The following ARL17A variants were observed in gnomAD, a reference collection of about 807,000 sequenced individuals.
ARL17A encodes the protein ARF like GTPase 17A, also known as ADP-ribosylation factor-like 17-like.
the ARL17A span, among the ~76,000 whole-genome samples, chr17:46,500,870 C>T: frequency 6.6e-6 from 1 of 150,914 alleles, no homozygotes; most frequent in Non-Finnish European, 1.5e-5. Context: ...ACAGCACAAC[C>T]TGGGAATTGT....
intron 3 of ARL17A, among the ~76,000 whole-genome samples, chr17:46,569,037 G>A (rs1254056280): frequency 7.4e-6 from 1 of 135,718 alleles, no homozygotes; most frequent in East Asian, 2.1e-4. Context: ...CCGCCTCCTG[G>A]GTTCAAGAGA....
At chr17:46,502,966 A>C in the ARL17A span, among the ~76,000 whole-genome samples, 1 of 150,708 alleles carries the variant, frequency 6.6e-6, no homozygotes, top group African/African-American at 2.5e-5. Flanking sequence ...TAATCCCAGC[A>C]CTTTGGGAGG....
In ARL17A at chr17:46,558,478, C is replaced by G. The variant is rs1453807656; in HGVS notation, c.260-848G>C. ...CTCGGTTGACTGCAACCTCTGCCTTCCAGGTTCAAGTGATTCTCCTGCCTC... is the reference window on the plus strand; with the variant it reads ...CTCGGTTGACTGCAACCTCTGCCTTGCAGGTTCAAGTGATTCTCCTGCCTC... On this transcript the variant is annotated intron_variant, in intron 3 of 3. Coordinates refer to ENST00000336125, the MANE Select transcript of ARL17A (RefSeq NM_001113738.2). 1.7e-5 allele frequency among the ~76,000 whole-genome samples: 2 copies of G among 121,028 alleles called. 1 individual carries two copies. Among genetic ancestry groups the G allele is most frequent in the African/African-American group, 6.7e-5 (2 of 29,816 alleles). 79.4% of individuals were successfully genotyped at this position (121,028 alleles called of 152,430 possible).
intron 4 of ARL17A, among the ~76,000 whole-genome samples, chr17:46,534,206 A>C (rs1405722221): frequency 7.1e-6 from 1 of 140,136 alleles, no homozygotes; most frequent in Non-Finnish European, 1.6e-5. Flanking sequence ...TGTTTTTTTT[A>C]ATTTTTTTTT....
At chr17:46,532,107 C>G (rs938551516) in intron 4 of ARL17A, among the ~76,000 whole-genome samples, 2 of 150,246 alleles carry the variant, frequency 1.3e-5, no homozygotes, top group African/African-American at 5.0e-5. Context: ...GCACGTTTAT[C>G]AGGCTGCTCT....
In ARL17A at chr17:46,555,548, C is replaced by CAGA; in HGVS notation, c.*1807_*1808insTCT. 1 of 1,153,682 alleles carries CAGA rather than the reference C, an allele frequency of 8.7e-7. No homozygotes were observed. The allele number at this position is 1,153,682 out of a possible 1,614,324, so 71.5% of individuals were successfully genotyped here. On this transcript the variant is annotated 3_prime_UTR_variant, in exon 4 of 4. Transcript: ENST00000336125. ...TATCCCAGGGACAGCGAAGCCCCAA[C>CAGA]GGAGGAGGAGGAGAGTGAAGCCCTG...
chr17:46,532,807 G>C (rs1287905738), intron 4 of ARL17A, among the ~76,000 whole-genome samples: 1 of 149,036 alleles, frequency 6.7e-6, no homozygotes, highest in Non-Finnish European at 1.5e-5. Flanking sequence ...TAATAATTTG[G>C]TCTTCTGTAT....
chr17:46,525,632 C>A (rs3106338), downstream of ARL17A, among the ~76,000 whole-genome samples: 4 of 122,810 alleles, frequency 3.3e-5, no homozygotes, highest in African/African-American at 8.5e-5. Context: ...TCATCATCAT[C>A]ATCATCATCA....
rs867388714 is a variant in ARL17A at position 46,552,760 on chromosome 17, A to G, written c.*4596T>C. The G allele has an allele frequency of 3.2e-5, 3 of 94,128 alleles. 1 individual carries two copies. Among genetic ancestry groups the G allele is most frequent in the African/African-American group, 4.0e-5 (1 of 25,096 alleles). 5.8% of individuals were successfully genotyped at this position (94,128 alleles called of 1,614,324 possible). A position where few individuals can be genotyped will look rare whatever the true frequency, so the allele number is the denominator to read the frequency against. Reference sequence around the variant, plus strand: ...AAGTACAATATAACAACTGTCAACAATGTACAATATGTATACATTTTATTA... The same window carrying G: ...AAGTACAATATAACAACTGTCAACAGTGTACAATATGTATACATTTTATTA... On this transcript the variant is annotated 3_prime_UTR_variant, in exon 4 of 4. Transcript: ENST00000336125.
At chr17:46,575,261 G>A (rs1378249386) in intron 2 of ARL17A, among the ~76,000 whole-genome samples, 2 of 129,496 alleles carry the variant, frequency 1.5e-5, no homozygotes, top group South Asian at 3.2e-4. Flanking sequence ...GTCAAAACTC[G>A]CTTTGTAAAT....
At chr17:46,568,516 G>A (rs952977568) in intron 3 of ARL17A, among the ~76,000 whole-genome samples, 1 of 114,776 alleles carries the variant, frequency 8.7e-6, no homozygotes, top group Non-Finnish European at 1.8e-5. Context: ...AAAAAAAGAG[G>A]GGGGGAGGCC....
chr17:46,503,261 C>G, the ARL17A span, among the ~76,000 whole-genome samples: 1 of 146,882 alleles, frequency 6.8e-6, no homozygotes, highest in Non-Finnish European at 1.5e-5. Flanking sequence ...AAGCGTTTCT[C>G]TTTCTCTTCA....
chr17:46,534,601 A>T (rs1256133944), intron 4 of ARL17A, among the ~76,000 whole-genome samples: 4 of 148,162 alleles, frequency 2.7e-5, no homozygotes, highest in Admixed American at 6.6e-5. Context: ...ACTTCTTTCT[A>T]CACAGACACA....
chr17:46,511,159 CATT>C, the ARL17A span, among the ~76,000 whole-genome samples: 1 of 120,260 alleles, frequency 8.3e-6, no homozygotes, highest in Non-Finnish European at 1.8e-5. Flanking sequence ...TCAAAACAGT[CATT>C]ATTTACTATT....
rs1035880412 is a variant in ARL17A, at chr17:46,532,360, A to G, written c.336-3501T>C. On this transcript the variant is annotated intron_variant, in intron 4 of 4. Coordinates refer to the ARL17A transcript ENST00000329240. ...GCATTTTTCCATCTACATTCATAAGAAATACTGGTCTGTAATTTTTTGTGT... is the reference window on the plus strand; with the variant it reads ...GCATTTTTCCATCTACATTCATAAGGAATACTGGTCTGTAATTTTTTGTGT... Among the ~76,000 whole-genome samples, 7 of 150,558 alleles carry G rather than the reference A, an allele frequency of 4.6e-5. 1 individual carries two copies. Among genetic ancestry groups the G allele is most frequent in the African/African-American group, 1.5e-4 (6 of 40,084 alleles).
At chr17:46,546,101 C>G (rs1449225396) in intron 3 of ARL17A, among the ~76,000 whole-genome samples, 2 of 152,012 alleles carry the variant, frequency 1.3e-5, no homozygotes, top group Non-Finnish European at 2.9e-5. Flanking sequence ...CTTTTGTCCT[C>G]CTTCCTATTG....
chr17:46,543,583 G>A (rs1025691708), intron 3 of ARL17A, among the ~76,000 whole-genome samples: 3 of 150,772 alleles, frequency 2.0e-5, no homozygotes, highest in Non-Finnish European at 4.4e-5. Flanking sequence ...TGGTTCTTAG[G>A]GGCTGCACAC....
At chr17:46,573,047 C>T (rs2057699793) in intron 2 of ARL17A, among the ~76,000 whole-genome samples, 1 of 113,560 alleles carries the variant, frequency 8.8e-6, no homozygotes, top group African/African-American at 3.5e-5. Flanking sequence ...AAAGATGTCC[C>T]CTTAGCGGCT....
At chr17:46,501,802 G>T in the ARL17A span, among the ~76,000 whole-genome samples, 1 of 151,080 alleles carries the variant, frequency 6.6e-6, no homozygotes, top group African/African-American at 2.5e-5. Context: ...TGCTAATCTT[G>T]TTGCCTATTG....
Sources: allele counts gnomAD v4.1 joint callset (sites outside exome capture counted in the v4.1 genomes callset), GRCh38; gene constraint gnomAD v4.1.1; transcripts MANE v1.5; gene names NCBI Gene and HGNC (gene_info 2026-07-23, HGNC 2026-07-21).